The following R3HDM2 variants were observed in gnomAD, a reference collection of about 807,000 sequenced individuals.
R3HDM2 encodes R3H domain-containing protein 2.
Under a neutral mutation model 124.5 loss-of-function variants are expected in R3HDM2, and 38 were observed. The ratio of observed to expected loss-of-function variants is 0.31; its 90% CI spans 0.24 to 0.40. The LOEUF is 0.40. Ranked by LOEUF, R3HDM2 falls within the 10% of genes least tolerant of loss-of-function variation. The probability of loss-of-function intolerance (pLI) is 1.00; values close to 1 mark genes in which losing one functional copy is unlikely to be tolerated. For missense variants in R3HDM2, 869 were observed against 1,236.9 expected, an observed-to-expected ratio of 0.70 and a Z score of 4.46; for synonymous variants, 391 against 448.0, an observed-to-expected ratio of 0.87 and a Z score of 1.61.
intron 1 of R3HDM2, among the ~76,000 whole-genome samples, chr12:57,408,864 T>TG (rs1555315891): frequency 1.2e-4 from 1 of 8,682 alleles, no homozygotes; most frequent in Admixed American, 2.8e-3. Context: ...GAGTTTGGCT[T>TG]GAAAAAAAAA....
Position 57,296,563 on chromosome 12 carries a change from C to A in R3HDM2, c.561-12G>T. 2 of 1,541,232 alleles carry A rather than the reference C, an allele frequency of 1.3e-6. No individual in the cohort carries two copies. The highest frequency in any genetic ancestry group is 1.4e-5 in the African/African-American group (1 of 72,510). Reference sequence around the variant, plus strand: ...TCTTGAACTGATTACTGAAGGGAAACCCGGGGAAAAAAAGTGAAATAAGAC... The same window carrying A: ...TCTTGAACTGATTACTGAAGGGAAAACCGGGGAAAAAAAGTGAAATAAGAC... On this transcript the variant is annotated splice_polypyrimidine_tract_variant and intron_variant, in intron 8 of 23. Coordinates refer to ENST00000402412, the MANE Select transcript of R3HDM2 (RefSeq NM_001394031.1). This position sits in a 1 kb window ranked among gnomAD's most constrained non-coding sequence, Gnocchi z 4.5.
At chr12:57,281,526 C>T (rs564711287) in intron 13 of R3HDM2, among the ~76,000 whole-genome samples, 1 of 151,470 alleles carries the variant, frequency 6.6e-6, no homozygotes, top group South Asian at 2.1e-4. Context: ...CACTCTGTCG[C>T]CCAGGCTGGA....
At chr12:57,387,022 G>A (rs2065936079) in intron 2 of R3HDM2, among the ~76,000 whole-genome samples, 1 of 152,006 alleles carries the variant, frequency 6.6e-6, no homozygotes, top group Non-Finnish European at 1.5e-5. Context: ...AATCTAGTGG[G>A]CTGCATATAG....
chr12:57,415,476 AG>A (rs2139410209), intron 1 of R3HDM2: 1 of 152,312 alleles, frequency 6.6e-6, no homozygotes, highest in African/African-American at 2.4e-5. Context: ...ACTGGGTAAA[AG>A]GTTGTGGAGG....
At chr12:57,412,798 G>A (rs1432794210) in intron 1 of R3HDM2, among the ~76,000 whole-genome samples, 2 of 152,022 alleles carry the variant, frequency 1.3e-5, no homozygotes, top group Non-Finnish European at 2.9e-5. Context: ...AAGGTCAGGA[G>A]TTCGAGACCA....
At chr12:57,429,372 G>T (rs940159012) in intron 1 of R3HDM2, among the ~76,000 whole-genome samples, 1 of 152,200 alleles carries the variant, frequency 6.6e-6, no homozygotes, top group African/African-American at 2.4e-5. Flanking sequence ...CAGCAACAGG[G>T]TAAGAAAAAT....
Position 57,379,576 on chromosome 12 carries a change from G to A in R3HDM2, c.-36+16173C>T, listed in dbSNP as rs980691173. On this transcript the variant is annotated intron_variant, in intron 2 of 23. Coordinates refer to ENST00000402412, the MANE Select transcript of R3HDM2 (RefSeq NM_001394031.1). The stretch of plus-strand genomic sequence containing the variant: ...GCCTGGGCAACAAGAGCGAAAATCC[G>A]TCTCAAAAAAAAAATAGAAAATGAA... Among the ~76,000 whole-genome samples, 6 of 150,938 alleles carry A rather than the reference G, an allele frequency of 4.0e-5. No individual in the cohort carries two copies. In the East Asian group the frequency reaches 5.8e-4, roughly 15 times the overall value.
chr12:57,350,155 A>G (rs2060531173), intron 2 of R3HDM2, among the ~76,000 whole-genome samples: 1 of 152,108 alleles, frequency 6.6e-6, no homozygotes, highest in South Asian at 2.1e-4. Context: ...GATTGCAGTA[A>G]GCCGAGATCG....
intron 2 of R3HDM2, among the ~76,000 whole-genome samples, chr12:57,368,693 C>A (rs1423307644): frequency 6.6e-6 from 1 of 152,162 alleles, no homozygotes; most frequent in African/African-American, 2.4e-5. Flanking sequence ...CATGACTCCA[C>A]TGGGAAAGGA....
intron 2 of R3HDM2, among the ~76,000 whole-genome samples, chr12:57,320,576 C>T (rs2056269569): frequency 6.6e-6 from 1 of 152,070 alleles, no homozygotes; most frequent in Admixed American, 6.6e-5. Flanking sequence ...TACTCAGTAG[C>T]TCAAAGCTGC....
intron 7 of R3HDM2, chr12:57,297,779 T>C (rs1430082160): frequency 1.3e-5 from 5 of 370,740 alleles, no homozygotes. Context: ...TCTGTGCTTT[T>C]TATTTTAGCT....
At position 57,269,466 on chromosome 12, in the gene R3HDM2, C is replaced by A. The variant is rs1197071116; in HGVS notation, c.1588-17G>T. 2 of 1,612,412 alleles carry A rather than the reference C, an allele frequency of 1.2e-6. No homozygotes were observed. The highest frequency in any genetic ancestry group is 1.1e-5 in the South Asian group (1 of 90,790). On this transcript the variant is annotated splice_polypyrimidine_tract_variant and intron_variant, in intron 15 of 23. Transcript: ENST00000402412. ...AACCTGGATCTATGGTGAGAGGAGA[C>A]AGATGTGTGAGAAGTCCCTAAAATT...
At chr12:57,425,471 T>C (rs2070650165) in intron 1 of R3HDM2, among the ~76,000 whole-genome samples, 1 of 152,126 alleles carries the variant, frequency 6.6e-6, no homozygotes, top group Admixed American at 6.6e-5. Context: ...AGCAAAAGCC[T>C]TAGCTTTGCC....
chr12:57,299,504 G>C (rs1422246923), intron 5 of R3HDM2, 26 bp from the exon 6 acceptor site: 2 of 1,535,682 alleles, frequency 1.3e-6, no homozygotes, highest in South Asian at 2.4e-5. Context: ...GATAATCAAA[G>C]GGGGAAAAAG....
chr12:57,374,501 G>T (rs2138074345), intron 2 of R3HDM2, among the ~76,000 whole-genome samples: 1 of 150,418 alleles, frequency 6.6e-6, no homozygotes, highest in Admixed American at 6.7e-5. Context: ...GGCCAACATG[G>T]TAAAACCCTG....
chr12:57,394,509 T>G (rs1293330969), intron 2 of R3HDM2, among the ~76,000 whole-genome samples: 3 of 151,506 alleles, frequency 2.0e-5, no homozygotes, highest in Admixed American at 6.6e-5. Context: ...GAGGCGGAGG[T>G]TGCAGTGAGT....
chr12:57,353,561 G>A (rs752128582), intron 2 of R3HDM2, among the ~76,000 whole-genome samples: 2 of 151,954 alleles, frequency 1.3e-5, no homozygotes, highest in Non-Finnish European at 2.9e-5. Context: ...GGAATATCTG[G>A]GTTGTTTCCC....
At position 57,254,740 on chromosome 12, in the gene R3HDM2, T is replaced by C; in HGVS notation, c.*33A>G. The C allele has an allele frequency of 6.8e-7, 1 of 1,466,160 alleles. No homozygotes were observed. The highest frequency in any genetic ancestry group is 9.3e-7 in the Non-Finnish European group (1 of 1,075,308). The allele number at this position is 1,466,160 out of a possible 1,614,324, so 90.8% of individuals were successfully genotyped here. Reference sequence around the variant, plus strand: ...TCAACCCCCTCCACCCTGCCCTTGCTCCTTCTGTGACAGTCCCTTTCCCCT... The same window carrying C: ...TCAACCCCCTCCACCCTGCCCTTGCCCCTTCTGTGACAGTCCCTTTCCCCT... On this transcript the variant is annotated 3_prime_UTR_variant, in exon 24 of 24. Transcript: ENST00000402412.
At chr12:57,421,151 CTAACAGATTCTTT>C (rs2070144701) in intron 1 of R3HDM2, among the ~76,000 whole-genome samples, 1 of 144,210 alleles carries the variant, frequency 6.9e-6, no homozygotes, top group South Asian at 2.2e-4. Flanking sequence ...ATCTCCATGT[CTAACAGATTCTTT>C]TTTTTTTTTT....
Sources: allele counts gnomAD v4.1 joint callset (sites outside exome capture counted in the v4.1 genomes callset), GRCh38; gene constraint gnomAD v4.1.1; non-coding constraint Gnocchi (gnomAD v3.1); transcripts MANE v1.5; gene names NCBI Gene and HGNC (gene_info 2026-07-23, HGNC 2026-07-21).